TACC1: variants seen among roughly 807,000 people sequenced by gnomAD.
TACC1 encodes transforming acidic coiled-coil containing protein 1, also known as transforming acidic coiled-coil-containing protein 1.
A neutral mutation model predicts 84.4 loss-of-function variants in TACC1; 48 were observed. The ratio of observed to expected loss-of-function variants is 0.57; its 90% confidence interval spans 0.45 to 0.72. The LOEUF (loss-of-function observed/expected upper bound fraction) is 0.72. TACC1 is among the 30% of genes least tolerant of loss of function. The pLI, the probability that TACC1 is intolerant of heterozygous loss-of-function variation, is 0.00. For missense variants in TACC1, 920 were observed against 973.0 expected (o/e 0.95, Z 0.72); for synonymous variants, 372 against 376.3 (o/e 0.99, Z 0.13).
chr8:38,749,739 G>C (rs1315562842), intron 3 of TACC1, among the ~76,000 whole-genome samples: 1 of 151,984 alleles, frequency 6.6e-6, no homozygotes, highest in African/African-American at 2.4e-5. Flanking sequence ...TTACAGGCAC[G>C]CACAACCACG....
At chr8:38,798,754 G>A (rs1309586163) in intron 2 of TACC1, among the ~76,000 whole-genome samples, 2 of 152,056 alleles carry the variant, frequency 1.3e-5, no homozygotes, top group Non-Finnish European at 2.9e-5. Flanking sequence ...CCTCTCCCAT[G>A]CTTCCGGGGA....
chr8:38,823,583 C>T (rs1827347482), intron 3 of TACC1, among the ~76,000 whole-genome samples: 1 of 152,198 alleles, frequency 6.6e-6, no homozygotes, highest in African/African-American at 2.4e-5. Context: ...CCACCCTCAC[C>T]CAGTAGCCTT....
rs774235993 is a variant in TACC1, at chr8:38,819,775, A to C, written c.531A>C (p.Ala177=). 2.9e-5 allele frequency: 46 copies of C among 1,613,870 alleles called. No homozygotes were observed. The highest frequency in any genetic ancestry group is 3.6e-5 in the Non-Finnish European group (43 of 1,180,050). Residue 177 remains alanine (A), a synonymous_variant, in exon 3 of 13, where the codon GCA becomes GCC. Transcript: ENST00000317827. ...GTKAAHGCVT[A]VSGKALPSSP... ...AAGCAGCTCATGGCTGTGTAACTGCAGTCTCAGGCAAGGCTCTGCCTTCCA... is the reference window on the plus strand; with the variant it reads ...AAGCAGCTCATGGCTGTGTAACTGCCGTCTCAGGCAAGGCTCTGCCTTCCA...
rs151161823 is a variant in TACC1 at position 38,737,253 on chromosome 8, A to G, written c.-674-5098A>G. Among the ~76,000 whole-genome samples, 30 of 152,308 alleles carry G rather than the reference A, an allele frequency of 2.0e-4. No individual in the cohort carries two copies. In the East Asian group the frequency reaches 5.8e-3, roughly 29 times the overall value. ...CCCACCAACTGGCCTCCTCCCCAGCATCTGTGAGAATTCTTTGTAGGAATT... is the reference window on the plus strand; with the variant it reads ...CCCACCAACTGGCCTCCTCCCCAGCGTCTGTGAGAATTCTTTGTAGGAATT... On this transcript the variant is annotated intron_variant, in intron 1 of 14. Coordinates refer to the TACC1 transcript ENST00000518415.
At chr8:38,756,738 A>G (rs1563285528) in intron 3 of TACC1, among the ~76,000 whole-genome samples, 1 of 152,208 alleles carries the variant, frequency 6.6e-6, no homozygotes, top group Non-Finnish European at 1.5e-5. Flanking sequence ...TGGAGGCATA[A>G]CCAGAGCCCA....
At chr8:38,771,965 C>T (rs1475197433) in intron 3 of TACC1, among the ~76,000 whole-genome samples, 1 of 151,964 alleles carries the variant, frequency 6.6e-6, no homozygotes, top group African/African-American at 2.4e-5. Context: ...CCAGGGACCA[C>T]ACATTCAGTA....
chr8:38,798,833 T>A (rs1820648436), intron 2 of TACC1, among the ~76,000 whole-genome samples: 1 of 152,150 alleles, frequency 6.6e-6, no homozygotes. Flanking sequence ...GTATCCCGCA[T>A]TCCTGGAAAA....
At chr8:38,763,045 G>T (rs1481943429) in intron 3 of TACC1, among the ~76,000 whole-genome samples, 1 of 152,124 alleles carries the variant, frequency 6.6e-6, no homozygotes, top group East Asian at 1.9e-4. Flanking sequence ...ACCAACAAAT[G>T]CATGAGGGCT....
chr8:38,754,938 G>A lies in TACC1; in HGVS notation c.26+9445G>A, dbSNP rs528971682. Among the ~76,000 whole-genome samples the A allele has an allele frequency of 2.6e-5, 4 of 152,270 alleles. No individual in the cohort carries two copies. The South Asian group carries it at 8.3e-4, about 32-fold the overall frequency. On this transcript the variant is annotated intron_variant, in intron 3 of 14. Transcript: ENST00000518415. Reference sequence around the variant, plus strand: ...AGCACTTCGGGAGGCCGAGGCAGGCGGATCACAAGGACAGGAGTTCAATAC... The same window carrying A: ...AGCACTTCGGGAGGCCGAGGCAGGCAGATCACAAGGACAGGAGTTCAATAC...
chr8:38,805,745 C>G (rs1822542753), intron 2 of TACC1: 1 of 152,202 alleles, frequency 6.6e-6, no homozygotes, highest in African/African-American at 2.4e-5. Context: ...GCTTCAGGTC[C>G]TGGCAAAACT....
chr8:38,786,158 TG>T (rs1817098910), upstream of TACC1, among the ~76,000 whole-genome samples: 1 of 152,166 alleles, frequency 6.6e-6, no homozygotes, highest in South Asian at 2.1e-4. Context: ...CAGTACCACC[TG>T]GAACACCTTA....
intron 2 of TACC1, among the ~76,000 whole-genome samples, chr8:38,818,352 ATAT>A (rs1208339733): frequency 6.6e-6 from 1 of 152,240 alleles, no homozygotes; most frequent in Non-Finnish European, 1.5e-5. Context: ...AAATCATGAG[ATAT>A]TATAACCAAT....
At chr8:38,758,285 T>G (rs1810503292) in intron 3 of TACC1, among the ~76,000 whole-genome samples, 1 of 152,178 alleles carries the variant, frequency 6.6e-6, no homozygotes, top group Admixed American at 6.5e-5. Flanking sequence ...AATCATCTTT[T>G]CAAGGCAAAA....
At chr8:38,745,390 C>G (rs887258478) in exon 3 of TACC1, 13 of 620,858 alleles carry the variant, frequency 2.1e-5, no homozygotes, top group Non-Finnish European at 3.7e-5. Context: ...GATTGAAACC[C>G]AAATTATGGG....
intron 2 of TACC1, among the ~76,000 whole-genome samples, chr8:38,815,236 T>A (rs760450629): frequency 1.3e-5 from 2 of 152,218 alleles, no homozygotes; most frequent in Non-Finnish European, 2.9e-5. Flanking sequence ...GATGCTGAAG[T>A]TCTCCTTAAA....
chr8:38,847,694 G>C (rs1333594097), intron 12 of TACC1, among the ~76,000 whole-genome samples: 3 of 152,200 alleles, frequency 2.0e-5, no homozygotes, highest in Admixed American at 2.0e-4. Context: ...AGAAAATTGG[G>C]GAACTAAGAG....
intron 2 of TACC1, among the ~76,000 whole-genome samples, chr8:38,805,120 C>G (rs776606452): frequency 1.6e-4 from 25 of 152,224 alleles, no homozygotes; most frequent in Non-Finnish European, 2.8e-4. Context: ...TTGTTCCTGG[C>G]TAGCATTGAG....
intron 4 of TACC1, among the ~76,000 whole-genome samples, chr8:38,826,871 A>G (rs1019461924): frequency 6.6e-6 from 1 of 152,340 alleles, no homozygotes; most frequent in Middle Eastern, 3.4e-3. Context: ...AATTAGGTAT[A>G]TGAGCAAAAA....
chr8:38,830,761 C>T (rs999617517), intron 5 of TACC1, among the ~76,000 whole-genome samples: 14 of 152,156 alleles, frequency 9.2e-5, no homozygotes, highest in Middle Eastern at 3.2e-3. Flanking sequence ...AAATTCACTC[C>T]GACTTGATGA....
Sources: gnomAD v4.1 joint callset for allele counts (sites outside exome capture counted in the v4.1 genomes callset) on GRCh38, gnomAD v4.1.1 for gene constraint, MANE v1.5 for transcripts, NCBI Gene and HGNC (gene_info 2026-07-23, HGNC 2026-07-21) for gene names.